DOCK5: variants seen among roughly 807,000 people sequenced by gnomAD.
The protein encoded by DOCK5 is dedicator of cytokinesis 5, also known as dedicator of cytokinesis protein 5.
A neutral mutation model predicts 251.8 loss-of-function variants in DOCK5; 142 were observed. The ratio of observed to expected loss-of-function variants is 0.56; its 90% confidence interval spans 0.49 to 0.65. The LOEUF (loss-of-function observed/expected upper bound fraction) is 0.65, where lower values mean the gene tolerates loss of function less well. DOCK5 is among the 30% of genes least tolerant of loss of function. DOCK5 has a pLI of 0.00. For synonymous variants in DOCK5, 842 were observed against 835.5 expected, an observed-to-expected ratio of 1.01 and a Z score of -0.13; for missense variants, 2,111 against 2,312.3, an observed-to-expected ratio of 0.91 and a Z score of 1.79.
chr8:25,342,336 G>A, intron 24 of DOCK5, 65 bp from the exon 25 acceptor site: 2 of 1,318,066 alleles, frequency 1.5e-6, no homozygotes, highest in East Asian at 5.2e-5. Flanking sequence ...GAGGAGAAAA[G>A]TTTATAATGA....
At chr8:25,402,191 G>C (rs1801450749) in intron 47 of DOCK5, among the ~76,000 whole-genome samples, 1 of 152,124 alleles carries the variant, frequency 6.6e-6, no homozygotes, top group African/African-American at 2.4e-5. Flanking sequence ...TGCAGTGCGA[G>C]ATCACAGCTC....
intron 1 of DOCK5, among the ~76,000 whole-genome samples, chr8:25,239,699 G>C (rs989707344): frequency 6.6e-6 from 1 of 152,180 alleles, no homozygotes; most frequent in Non-Finnish European, 1.5e-5. Flanking sequence ...CGGTGGCCCA[G>C]TTACCCATGA....
At position 25,401,039 on chromosome 8, in the gene DOCK5, A is replaced by G; in HGVS notation, c.4899A>G (p.Val1633=). 1 of 1,614,046 alleles carries G rather than the reference A, an allele frequency of 6.2e-7. No individual in the cohort carries two copies. The highest frequency in any genetic ancestry group is 8.5e-7 in the Non-Finnish European group (1 of 1,179,888). Residue 1633 remains valine (V), a synonymous_variant, in exon 47 of 52, where the codon GTA becomes GTG. Coordinates refer to ENST00000276440, the MANE Select transcript of DOCK5 (RefSeq NM_024940.8). The stretch of plus-strand genomic sequence containing the variant: ...GCTTCCGGGAACTCAAGGAGAAAGT[A>G]GAAAAGCACTATGGGGTTATAACAC... The part of the protein sequence containing the change: ...SSCFRELKEK[V]EKHYGVITLP...
chr8:25,292,635 C>A (rs1804522646), intron 6 of DOCK5, among the ~76,000 whole-genome samples: 1 of 152,086 alleles, frequency 6.6e-6, no homozygotes, highest in South Asian at 2.1e-4. Flanking sequence ...CCTGTCATCC[C>A]ACCTACTCGG....
chr8:25,410,817 T>C (rs1801609165), intron 51 of DOCK5, among the ~76,000 whole-genome samples: 1 of 151,634 alleles, frequency 6.6e-6, no homozygotes, highest in African/African-American at 2.4e-5. Context: ...TAAAGGACAG[T>C]CATTCTGGAG....
At chr8:25,270,340 A>G (rs757309805) in intron 3 of DOCK5, among the ~76,000 whole-genome samples, 10 of 152,200 alleles carry the variant, frequency 6.6e-5, no homozygotes, top group Non-Finnish European at 4.4e-5. Context: ...CTAAAGTGAA[A>G]GCTTTTCTTC....
intron 2 of DOCK5, among the ~76,000 whole-genome samples, chr8:25,249,836 T>G (rs1300732148): frequency 6.6e-6 from 1 of 152,238 alleles, no homozygotes. Flanking sequence ...TTCTCCTGCC[T>G]TGGCCTCCCA....
chr8:25,274,345 G>A (rs1455267390), intron 3 of DOCK5, among the ~76,000 whole-genome samples: 1 of 152,206 alleles, frequency 6.6e-6, no homozygotes, highest in East Asian at 1.9e-4. Context: ...TTAGCCAACA[G>A]TGCCAGGTAT....
intron 2 of DOCK5, among the ~76,000 whole-genome samples, chr8:25,259,060 C>A (rs1443771457): frequency 1.3e-5 from 2 of 152,098 alleles, no homozygotes. Flanking sequence ...GCGGAGGTTG[C>A]AGTGAGGTGA....
At chr8:25,261,804 A>G (rs2117584563) in intron 2 of DOCK5, among the ~76,000 whole-genome samples, 1 of 152,310 alleles carries the variant, frequency 6.6e-6, no homozygotes, top group South Asian at 2.1e-4. Flanking sequence ...TCTGGTTTAG[A>G]TCACTGCGAG....
At position 25,320,992 on chromosome 8, in the gene DOCK5, A is replaced by G. The variant is rs375035686; in HGVS notation, c.1555A>G (p.Ile519Val). The G allele has an allele frequency of 2.5e-6, 4 of 1,613,264 alleles. No individual in the cohort carries two copies. Among genetic ancestry groups the G allele is most frequent in the African/African-American group, 2.7e-5 (2 of 74,934 alleles). Reference sequence around the variant, plus strand: ...TACTATGACACAGGTATCCATTGCTATAGAAGAAGTCACACGCTGTCATAT... The same window carrying G: ...TACTATGACACAGGTATCCATTGCTGTAGAAGAAGTCACACGCTGTCATAT... The part of the protein sequence containing the change: ...WYETVKVSIA[I>V]EEVTRCHIRF... Residue 519 changes from isoleucine to valine, a missense_variant, in exon 16 of 52, where the codon ATA becomes GTA. By Grantham distance (29) the Ile-to-Val change is conservative (BLOSUM62 3). Coordinates refer to ENST00000276440, the MANE Select transcript of DOCK5 (RefSeq NM_024940.8).
In DOCK5 at chr8:25,400,075, G is replaced by A. The variant is rs1801411700; in HGVS notation, c.4788+81G>A. 4.5e-6 allele frequency: 5 copies of A among 1,113,146 alleles called. No homozygotes were observed. The South Asian group carries it at 6.9e-5, about 15-fold the overall frequency. 69.0% of individuals were successfully genotyped at this position (1,113,146 alleles called of 1,614,324 possible). ...TATTCTCCAGGGCTTAAGTCTACAA[G>A]CCCACTCAGGGTGACTTTTCTTTCT... is the stretch of plus-strand genomic sequence containing the variant. On this transcript the variant is annotated intron_variant, in intron 46 of 51. Transcript: ENST00000276440.
chr8:25,304,439 C>G (rs1235173441), intron 11 of DOCK5, 112 bp downstream of exon 11: 1 of 925,642 alleles, frequency 1.1e-6, no homozygotes, highest in Admixed American at 3.1e-5. Flanking sequence ...AGGAAAGATT[C>G]TAAGCTGCAA....
Position 25,324,101 on chromosome 8 carries a change from C to G in DOCK5, c.1719+150C>G, listed in dbSNP as rs1182052182. The G allele has an allele frequency of 5.7e-6, 5 of 880,244 alleles. No homozygotes were observed. The East Asian group carries it at 1.3e-4, about 24-fold the overall frequency. The allele number at this position is 880,244 out of a possible 1,614,324, so 54.5% of individuals were successfully genotyped here. A position where few individuals can be genotyped will look rare whatever the true frequency, so the allele number is the denominator to read the frequency against. ...ATCTAGAAACCCAGAGGGCTCTGGGCCCTCCAGCTTTGTGGTTTCCCACCT... is the reference window on the plus strand; with the variant it reads ...ATCTAGAAACCCAGAGGGCTCTGGGGCCTCCAGCTTTGTGGTTTCCCACCT... On this transcript the variant is annotated intron_variant, in intron 17 of 51. Coordinates refer to ENST00000276440, the MANE Select transcript of DOCK5 (RefSeq NM_024940.8).
At chr8:25,311,399 T>C (rs1805091044) in intron 13 of DOCK5, among the ~76,000 whole-genome samples, 1 of 151,286 alleles carries the variant, frequency 6.6e-6, no homozygotes, top group Non-Finnish European at 1.5e-5. Flanking sequence ...AAAAATTAGC[T>C]GGGTGTGGTG....
At chr8:25,228,361 G>A (rs1158854801) in intron 1 of DOCK5, among the ~76,000 whole-genome samples, 1 of 152,202 alleles carries the variant, frequency 6.6e-6, no homozygotes, top group Non-Finnish European at 1.5e-5. Context: ...CTTAACCTGG[G>A]AGGGTTCTTG....
At chr8:25,399,817 G>A (rs1801405963) in intron 45 of DOCK5, 94 bp from the exon 46 acceptor site, 1 of 905,728 alleles carries the variant, frequency 1.1e-6, no homozygotes, top group Non-Finnish European at 1.7e-6. Flanking sequence ...GACACATCTG[G>A]TTCTTCCGCA....
intron 30 of DOCK5, 172 bp downstream of exon 30, chr8:25,364,876 C>A: frequency 4.0e-6 from 2 of 498,768 alleles, no homozygotes; most frequent in South Asian, 3.3e-5. Context: ...CCAAACACAA[C>A]AAAATAGGGG....
Position 25,374,595 on chromosome 8 carries a change from G to C in DOCK5, c.3757G>C (p.Asp1253His), listed in dbSNP as rs759384346. 6.2e-7 allele frequency: 1 copy of C among 1,612,186 alleles called. No individual in the cohort carries two copies. The highest frequency in any genetic ancestry group is 1.3e-5 in the African/African-American group (1 of 74,690). Residue 1253 changes from aspartate (D) to histidine (H), a missense_variant, in exon 37 of 52, where the codon GAC (aspartate) becomes CAC (histidine). Transcript: ENST00000276440. ...GTACAAGCTTCGAGATTTGCACCGA[G>C]ACTGTGAGAACTACACAGAAGCTGC... ...YLYKLRDLHR[D>H]CENYTEAAYT... is the part of the protein sequence containing the mutation.
Sources: allele counts gnomAD v4.1 joint callset (sites outside exome capture counted in the v4.1 genomes callset), GRCh38; gene constraint gnomAD v4.1.1; transcripts MANE v1.5; gene names NCBI Gene and HGNC (gene_info 2026-07-23, HGNC 2026-07-21).